The following ARHGAP12 variants were observed in gnomAD, a reference collection of about 807,000 sequenced individuals.
The protein encoded by ARHGAP12 is Rho GTPase activating protein 12, also known as rho GTPase-activating protein 12.
Under a neutral mutation model 108.6 loss-of-function variants are expected in ARHGAP12, and 64 were observed. The ratio of observed to expected loss-of-function variants is 0.59; its 90% CI spans 0.48 to 0.73. ARHGAP12 has a LOEUF of 0.73. Ranked by LOEUF, ARHGAP12 falls within the 30% of genes least tolerant of loss-of-function variation. The pLI is 0.00. For missense variants in ARHGAP12, 940 were observed against 1,005.9 expected, an observed-to-expected ratio of 0.93 and a Z score of 0.89; for synonymous variants, 312 against 337.2, an observed-to-expected ratio of 0.93 and a Z score of 0.82.
chr10:31,843,041 C>A (rs1017008218), intron 7 of ARHGAP12, among the ~76,000 whole-genome samples: 1 of 152,064 alleles, frequency 6.6e-6, no homozygotes, highest in Non-Finnish European at 1.5e-5. Context: ...TAAATGTCTT[C>A]CCTATGAAAC....
At chr10:31,889,631 T>C (rs1019768376) in intron 3 of ARHGAP12, among the ~76,000 whole-genome samples, 1 of 137,092 alleles carries the variant, frequency 7.3e-6, no homozygotes, top group Non-Finnish European at 1.5e-5. Flanking sequence ...TTTTTTTTTT[T>C]TTTTTTTTTT....
chr10:31,846,761 T>C (rs1378283027), intron 6 of ARHGAP12, among the ~76,000 whole-genome samples: 2 of 152,150 alleles, frequency 1.3e-5, no homozygotes, highest in Non-Finnish European at 2.9e-5. Context: ...GTTTGTCTTT[T>C]GCCAAATTGG....
At chr10:31,890,121 A>G (rs1170485653) in intron 3 of ARHGAP12, among the ~76,000 whole-genome samples, 1 of 152,134 alleles carries the variant, frequency 6.6e-6, no homozygotes, top group Non-Finnish European at 1.5e-5. Context: ...GACAATTCTG[A>G]GCTCCATTTC....
chr10:31,909,829 G>A (rs1251277553), intron 2 of ARHGAP12, among the ~76,000 whole-genome samples: 1 of 152,192 alleles, frequency 6.6e-6, no homozygotes, highest in Non-Finnish European at 1.5e-5. Flanking sequence ...CCAGGAGGCT[G>A]AAGTTGTGGT....
intron 1 of ARHGAP12, among the ~76,000 whole-genome samples, chr10:31,918,657 G>C (rs1481135333): frequency 1.3e-5 from 2 of 152,234 alleles, no homozygotes; most frequent in African/African-American, 4.8e-5. Context: ...AGTGGGCTGT[G>C]ACTGTGCCAC....
intron 3 of ARHGAP12, among the ~76,000 whole-genome samples, chr10:31,889,631 T>G (rs1019768376): frequency 2.9e-5 from 4 of 137,092 alleles, no homozygotes; most frequent in African/African-American, 1.2e-4. Flanking sequence ...TTTTTTTTTT[T>G]TTTTTTTTTT....
At chr10:31,886,051 T>C (rs367819746) in intron 3 of ARHGAP12, among the ~76,000 whole-genome samples, 26 of 152,314 alleles carry the variant, frequency 1.7e-4, no homozygotes, top group African/African-American at 4.3e-4. Flanking sequence ...AAACTAATTG[T>C]TGTGATAAAA....
chr10:31,844,045 T>TAA (rs933285004), intron 6 of ARHGAP12, among the ~76,000 whole-genome samples: 19 of 152,238 alleles, frequency 1.2e-4, no homozygotes, highest in Non-Finnish European at 2.5e-4. Flanking sequence ...AGCATTATTT[T>TAA]AAAAACCTAA....
chr10:31,838,911 A>G (rs1164773631), intron 9 of ARHGAP12, among the ~76,000 whole-genome samples: 2 of 151,042 alleles, frequency 1.3e-5, no homozygotes, highest in East Asian at 3.9e-4. Flanking sequence ...CTGAGACGGG[A>G]GAATCACCTA....
rs188237468 is a variant in ARHGAP12, at chr10:31,863,645, T to C, written c.685-1987A>G. Among the ~76,000 whole-genome samples the C allele has an allele frequency of 4.6e-5, 7 of 152,242 alleles. No homozygotes were observed. In the East Asian group the frequency reaches 1.4e-3, roughly 29 times the overall value. On this transcript the variant is annotated intron_variant, in intron 3 of 19. Coordinates refer to ENST00000344936, the MANE Select transcript of ARHGAP12 (RefSeq NM_018287.7). ...AGAACACTGTAACATATCTCACTTA[T>C]AAATATGGAAGAAAATATCCTAAAT...
intron 2 of ARHGAP12, among the ~76,000 whole-genome samples, chr10:31,909,449 T>C (rs1017953668): frequency 6.6e-6 from 1 of 152,162 alleles, no homozygotes; most frequent in Non-Finnish European, 1.5e-5. Flanking sequence ...TGGGGATGAA[T>C]TGTGTTCCCC....
chr10:31,825,993 G>A (rs1378662231), intron 11 of ARHGAP12, among the ~76,000 whole-genome samples: 1 of 152,044 alleles, frequency 6.6e-6, no homozygotes, highest in Non-Finnish European at 1.5e-5. Context: ...CACAAACACA[G>A]CAAAGCTTTA....
At chr10:31,899,718 TTAAC>T (rs1409921139) in intron 3 of ARHGAP12, among the ~76,000 whole-genome samples, 3 of 152,114 alleles carry the variant, frequency 2.0e-5, no homozygotes, top group African/African-American at 7.2e-5. Flanking sequence ...TCACAAAAAA[TTAAC>T]TAAAAATGGA....
chr10:31,834,510 G>A (rs967312255), intron 9 of ARHGAP12, among the ~76,000 whole-genome samples: 2 of 152,176 alleles, frequency 1.3e-5, no homozygotes, highest in African/African-American at 4.8e-5. Flanking sequence ...AGAACTGTGA[G>A]AAATAAATTT....
chr10:31,871,876 AG>A (rs1837555467), intron 3 of ARHGAP12, among the ~76,000 whole-genome samples: 2 of 152,298 alleles, frequency 1.3e-5, no homozygotes, highest in South Asian at 4.1e-4. Context: ...TACAGGCAAA[AG>A]ATTTGCCAAA....
chr10:31,846,049 C>T (rs536733908), intron 6 of ARHGAP12, among the ~76,000 whole-genome samples: 170 of 152,152 alleles, frequency 1.1e-3, no homozygotes, highest in African/African-American at 3.8e-3. Flanking sequence ...TCTCGTTATA[C>T]TTTTTTAGTG....
At chr10:31,917,136 C>T (rs1223152774) in intron 1 of ARHGAP12, among the ~76,000 whole-genome samples, 2 of 151,720 alleles carry the variant, frequency 1.3e-5, no homozygotes, top group African/African-American at 2.4e-5. Flanking sequence ...AGGCCGGGCG[C>T]GATGGCTCAC....
At chr10:31,871,256 A>C (rs1024500870) in intron 3 of ARHGAP12, among the ~76,000 whole-genome samples, 5 of 152,242 alleles carry the variant, frequency 3.3e-5, no homozygotes, top group Admixed American at 2.0e-4. Flanking sequence ...TTGAATAAGG[A>C]AACACTACTG....
At chr10:31,849,937 G>C (rs990230381) in intron 6 of ARHGAP12, among the ~76,000 whole-genome samples, 11 of 152,224 alleles carry the variant, frequency 7.2e-5, no homozygotes, top group Middle Eastern at 6.8e-3. Flanking sequence ...GGAAATTATA[G>C]AATTGAGTTA....
Sources: allele counts gnomAD v4.1 joint callset (sites outside exome capture counted in the v4.1 genomes callset), GRCh38; gene constraint gnomAD v4.1.1; transcripts MANE v1.5; gene names NCBI Gene and HGNC (gene_info 2026-07-23, HGNC 2026-07-21).